The following WWOX variants were observed in gnomAD, a reference collection of about 807,000 sequenced individuals.
The protein encoded by WWOX is WW domain-containing oxidoreductase.
A neutral mutation model predicts 46.2 loss-of-function variants in WWOX; 69 were observed. The ratio of observed to expected loss-of-function variants is 1.49; its 90% CI spans 1.23 to 1.82. The LOEUF is 1.82. WWOX is among the 40% of genes most tolerant of loss of function. The pLI is 0.00. For missense variants in WWOX, 919 were observed against 542.6 expected, an observed-to-expected ratio of 1.69 and a Z score of -6.89; for synonymous variants, 359 against 202.6, an observed-to-expected ratio of 1.77 and a Z score of -6.56.
chr16:78,180,762 C>T (rs551734447), intron 5 of WWOX, among the ~76,000 whole-genome samples: 2 of 149,702 alleles, frequency 1.3e-5, no homozygotes, highest in African/African-American at 2.5e-5. Context: ...CAGCTGTACA[C>T]GAGAGTAGGG....
At chr16:78,635,073 T>A (rs1037518963) in intron 8 of WWOX, among the ~76,000 whole-genome samples, 3 of 152,144 alleles carry the variant, frequency 2.0e-5, no homozygotes, top group African/African-American at 7.2e-5. Flanking sequence ...CTCTTACAGA[T>A]AGGAAACCTT....
chr16:79,070,829 T>C (rs549477799), intron 8 of WWOX, among the ~76,000 whole-genome samples: 2 of 152,314 alleles, frequency 1.3e-5, no homozygotes, highest in Admixed American at 1.3e-4. Context: ...TTAGTGATTC[T>C]ATATTGGTGA....
intron 8 of WWOX, among the ~76,000 whole-genome samples, chr16:79,088,780 T>C (rs866236687): frequency 6.6e-6 from 1 of 152,164 alleles, no homozygotes; most frequent in South Asian, 2.1e-4. Context: ...GCTTTAGATA[T>C]ACTGCAGATA....
intron 8 of WWOX, among the ~76,000 whole-genome samples, chr16:79,035,690 C>T (rs1002335636): frequency 7.9e-5 from 12 of 152,132 alleles, no homozygotes; most frequent in African/African-American, 2.7e-4. Context: ...AAGTGTGCAC[C>T]ACCATGCCTG....
At chr16:78,581,595 G>A (rs373504219) in intron 8 of WWOX, among the ~76,000 whole-genome samples, 4 of 152,062 alleles carry the variant, frequency 2.6e-5, no homozygotes, top group African/African-American at 9.7e-5. Context: ...TTTTTAACCA[G>A]TAAATGCACT....
intron 8 of WWOX, among the ~76,000 whole-genome samples, chr16:79,121,098 C>T (rs377762619): frequency 3.3e-5 from 5 of 152,164 alleles, no homozygotes; most frequent in African/African-American, 1.2e-4. Context: ...GGATACTTGT[C>T]TTTAAATGTA....
chr16:79,133,726 C>T (rs1462852581), intron 8 of WWOX, among the ~76,000 whole-genome samples: 1 of 152,136 alleles, frequency 6.6e-6, no homozygotes, highest in Non-Finnish European at 1.5e-5. Context: ...AGTGTTCTAC[C>T]AGCTGAAGAA....
intron 6 of WWOX, among the ~76,000 whole-genome samples, chr16:78,410,626 A>T (rs889238881): frequency 2.0e-5 from 3 of 151,830 alleles, no homozygotes; most frequent in Admixed American, 6.6e-5. Flanking sequence ...CCTGGCCAAC[A>T]TGGTGAAACG....
At chr16:78,407,417 C>G (rs1394234652) in intron 6 of WWOX, among the ~76,000 whole-genome samples, 1 of 152,158 alleles carries the variant, frequency 6.6e-6, no homozygotes, top group African/African-American at 2.4e-5. Flanking sequence ...AATTGAATCC[C>G]CCAAAGCCAC....
Position 78,343,209 on chromosome 16 carries a change from G to T in WWOX, c.517-43651G>T, listed in dbSNP as rs576737961. Among the ~76,000 whole-genome samples the T allele has an allele frequency of 2.3e-4, 28 of 119,886 alleles. 4 individuals carry two copies. The highest frequency in any genetic ancestry group is 7.4e-4 in the African/African-American group (26 of 35,346). 78.6% of individuals were successfully genotyped at this position (119,886 alleles called of 152,430 possible). On this transcript the variant is annotated intron_variant, in intron 5 of 8. Transcript: ENST00000566780. ...TCTGTGGGCTCTCAGCAGTGTCCCC[G>T]ATGTGGAGGGTCTTCTTATTCTGTG...
chr16:78,604,366 T>C (rs894419014), intron 8 of WWOX, among the ~76,000 whole-genome samples: 1 of 152,108 alleles, frequency 6.6e-6, no homozygotes, highest in Non-Finnish European at 1.5e-5. Flanking sequence ...GATGTTACTG[T>C]ACATGGGCCC....
chr16:78,864,326 G>A (rs571228278), intron 8 of WWOX, among the ~76,000 whole-genome samples: 1 of 151,620 alleles, frequency 6.6e-6, no homozygotes, highest in South Asian at 2.1e-4. Context: ...GAGTGCAGTG[G>A]TGCAGTCATG....
At chr16:78,773,195 G>T (rs552015317) in intron 8 of WWOX, among the ~76,000 whole-genome samples, 3 of 152,196 alleles carry the variant, frequency 2.0e-5, no homozygotes, top group Admixed American at 2.0e-4. Flanking sequence ...CTAAACATTT[G>T]TTGGGCAGTT....
intron 5 of WWOX, among the ~76,000 whole-genome samples, chr16:78,252,144 G>A (rs970458966): frequency 6.6e-6 from 1 of 152,166 alleles, no homozygotes; most frequent in African/African-American, 2.4e-5. Context: ...GGAAAGAGGG[G>A]CATCTTGCAC....
At chr16:78,830,055 C>G (rs1017119117) in intron 8 of WWOX, among the ~76,000 whole-genome samples, 1 of 151,968 alleles carries the variant, frequency 6.6e-6, no homozygotes, top group Non-Finnish European at 1.5e-5. Context: ...GTCAGGAGTT[C>G]AAGACCAGCC....
chr16:78,484,087 G>A (rs1298910350), intron 8 of WWOX, among the ~76,000 whole-genome samples: 1 of 152,144 alleles, frequency 6.6e-6, no homozygotes. Context: ...TATCAATTTT[G>A]AAGGAATCAA....
intron 8 of WWOX, among the ~76,000 whole-genome samples, chr16:78,653,891 G>A (rs2047021878): frequency 6.6e-6 from 1 of 152,322 alleles, no homozygotes; most frequent in South Asian, 2.1e-4. Flanking sequence ...ATTACATGCA[G>A]CAGGACACAT....
chr16:79,021,429 C>T (rs528232930), intron 8 of WWOX, among the ~76,000 whole-genome samples: 53 of 152,170 alleles, frequency 3.5e-4, no homozygotes, highest in African/African-American at 8.9e-4. Flanking sequence ...ATACATAAAA[C>T]GCACGGGATC....
chr16:78,646,305 C>T (rs992417727), intron 8 of WWOX, among the ~76,000 whole-genome samples: 1 of 152,174 alleles, frequency 6.6e-6, no homozygotes, highest in East Asian at 1.9e-4. Context: ...TGAGCCAGTA[C>T]ACTTGGCCTT....
Sources: allele counts gnomAD v4.1 joint callset (sites outside exome capture counted in the v4.1 genomes callset), GRCh38; gene constraint gnomAD v4.1.1; transcripts MANE v1.5; gene names NCBI Gene and HGNC (gene_info 2026-07-23, HGNC 2026-07-21).